NDUFA11: variants seen among roughly 807,000 people sequenced by gnomAD.
The protein encoded by NDUFA11 is NADH dehydrogenase [ubiquinone] 1 alpha subcomplex subunit 11.
In NDUFA11, 14 loss-of-function variants were observed where a neutral mutation model predicts 11.3. That is an observed-to-expected ratio of 1.24 (90% CI 0.82 to 1.94). The LOEUF (loss-of-function observed/expected upper bound fraction) is 1.94. Among genes scored for constraint, NDUFA11 ranks in the 30% most tolerant of loss-of-function variants. The pLI is 0.00. For missense variants in NDUFA11, 204 were observed against 200.3 expected, an observed-to-expected ratio of 1.02 and a Z score of -0.11; for synonymous variants, 87 against 85.6, an observed-to-expected ratio of 1.02 and a Z score of -0.09.
At chr19:5,897,433 G>A (rs1211384762) in intron 1 of NDUFA11, among the ~76,000 whole-genome samples, 1 of 152,110 alleles carries the variant, frequency 6.6e-6, no homozygotes, top group Non-Finnish European at 1.5e-5. Flanking sequence ...CTGGCACCAG[G>A]GCCCCAGCTC....
intron 1 of NDUFA11, 34 bp downstream of exon 1, chr19:5,903,578 G>T: frequency 6.5e-7 from 1 of 1,541,172 alleles, no homozygotes; most frequent in Non-Finnish European, 8.8e-7. Context: ...CTGCGGCCTC[G>T]GCCCTCCACC....
intron 1 of NDUFA11, among the ~76,000 whole-genome samples, chr19:5,898,083 G>A (rs898178390): frequency 3.9e-5 from 6 of 152,158 alleles, no homozygotes; most frequent in Admixed American, 1.3e-4. Flanking sequence ...CATCCTTCTC[G>A]GGGCCCGATG....
intron 3 of NDUFA11, 145 bp from the exon 4 acceptor site, chr19:5,894,999 G>T: frequency 1.1e-6 from 1 of 940,258 alleles, no homozygotes; most frequent in South Asian, 1.7e-5. Flanking sequence ...CTCAGGAAGA[G>T]GGCCCTAGAC....
chr19:5,903,768 C>G lies in NDUFA11; in HGVS notation c.-60G>C. 6.6e-7 allele frequency: 1 copy of G among 1,518,310 alleles called. No individual in the cohort carries two copies. 94.1% of individuals were successfully genotyped at this position (1,518,310 alleles called of 1,614,324 possible). A position where few individuals can be genotyped will look rare whatever the true frequency, so the allele number is the denominator to read the frequency against. ...CCAGCTCGGGAAGCGCAAGGGCAGCCGCGGCTGGCTATCGCGAGACTTCTC... is the reference window on the plus strand; with the variant it reads ...CCAGCTCGGGAAGCGCAAGGGCAGCGGCGGCTGGCTATCGCGAGACTTCTC... On this transcript the variant is annotated 5_prime_UTR_variant, in exon 1 of 4. Transcript: ENST00000308961.
At chr19:5,897,439 A>G (rs1055067906) in intron 1 of NDUFA11, among the ~76,000 whole-genome samples, 3 of 152,118 alleles carry the variant, frequency 2.0e-5, no homozygotes, top group African/African-American at 7.2e-5. Context: ...CCAGGGCCCC[A>G]GCTCCAGGTT....
intron 3 of NDUFA11, chr19:5,895,186 G>A (rs1190443195): frequency 3.1e-5 from 11 of 358,090 alleles, no homozygotes; most frequent in Non-Finnish European, 5.8e-5. Context: ...TGACACATCG[G>A]TGTGTCTCAG....
At chr19:5,901,770 C>T (rs1160431991) in intron 1 of NDUFA11, among the ~76,000 whole-genome samples, 2 of 151,008 alleles carry the variant, frequency 1.3e-5, no homozygotes, top group African/African-American at 2.4e-5. Flanking sequence ...CCCAGGTTCA[C>T]GCCATTCTCC....
Position 5,896,476 on chromosome 19 carries a change from C to T in NDUFA11, c.290G>A (p.Gly97Glu). ...ACTGCGTGCTCCCAGAGTCAGGCCT[C>T]CGGCGCAGCCACCGAGGAAGTAGTT... ...PLNYFLGGCA[G>E]GLTLGARTHN... Residue 97 changes from glycine to glutamate, a missense_variant, in exon 3 of 4, where the codon GGA becomes GAA. Physicochemically the swap from Gly to Glu is moderately conservative, Grantham distance 98. Transcript: ENST00000308961. The surrounding 1 kb of genome is among the most constrained non-coding windows in gnomAD (Gnocchi z 5.8). The T allele has an allele frequency of 6.4e-7, 1 of 1,573,040 alleles. No homozygotes were observed. Among genetic ancestry groups the T allele is most frequent in the South Asian group, 1.2e-5 (1 of 85,672 alleles).
chr19:5,898,878 T>TAAA (rs34771049), intron 1 of NDUFA11, among the ~76,000 whole-genome samples: 36 of 82,536 alleles, frequency 4.4e-4, no homozygotes, highest in African/African-American at 1.4e-3. Context: ...CGTCTCAAAA[T>TAAA]AAAAAAAAAA....
chr19:5,898,645 G>C (rs2144954935), intron 1 of NDUFA11, among the ~76,000 whole-genome samples: 1 of 152,238 alleles, frequency 6.6e-6, no homozygotes. Flanking sequence ...AGGCCAAGGT[G>C]GGCGGATCAT....
chr19:5,895,092 T>G (rs2057599326), intron 3 of NDUFA11: 2 of 547,818 alleles, frequency 3.7e-6, no homozygotes, highest in Non-Finnish European at 6.5e-6. Flanking sequence ...TGGGTCCTCA[T>G]CCCGCCCCAC....
downstream of NDUFA11, among the ~76,000 whole-genome samples, chr19:5,894,011 G>A (rs1012247554): frequency 6.6e-6 from 1 of 152,240 alleles, no homozygotes; most frequent in Non-Finnish European, 1.5e-5. Context: ...CAGGGAGCAT[G>A]AGCCAGTTCT....
chr19:5,895,232 C>T (rs1204522479), intron 3 of NDUFA11: 5 of 268,790 alleles, frequency 1.9e-5, no homozygotes, highest in South Asian at 9.6e-5. Context: ...GGCCAGGCCA[C>T]GCATCTGTCC....
chr19:5,896,241 G>A lies in NDUFA11; in HGVS notation c.313+212C>T. On this transcript the variant is annotated intron_variant, in intron 3 of 3. Transcript: ENST00000308961. This position sits in a 1 kb window ranked among gnomAD's most constrained non-coding sequence, Gnocchi z 5.8. ...TGTGGCTGGAGCAGAGTGAGGAGGG[G>A]AGGGTGGGGAGGGGACAGGGCAGGT... The A allele has an allele frequency of 1.6e-6, 1 of 608,822 alleles. No homozygotes were observed. Among genetic ancestry groups the A allele is most frequent in the Non-Finnish European group, 2.9e-6 (1 of 343,968 alleles). 37.7% of individuals were successfully genotyped at this position (608,822 alleles called of 1,614,324 possible).
downstream of NDUFA11, chr19:5,892,857 C>T (rs1242270772): frequency 7.9e-6 from 11 of 1,392,534 alleles, no homozygotes; most frequent in Non-Finnish European, 1.0e-5. Context: ...TTCCCATTTA[C>T]CAGGTGGGAA....
At chr19:5,897,482 G>A (rs1033184392) in intron 1 of NDUFA11, among the ~76,000 whole-genome samples, 2 of 152,198 alleles carry the variant, frequency 1.3e-5, no homozygotes, top group East Asian at 1.9e-4. Context: ...TGTGGGGCCC[G>A]GGGCTCCTGG....
intron 1 of NDUFA11, among the ~76,000 whole-genome samples, chr19:5,897,334 C>T (rs958619413): frequency 1.1e-4 from 17 of 152,200 alleles, no homozygotes; most frequent in African/African-American, 2.9e-4. Context: ...GACTCATCCA[C>T]GTGGTGGACA....
intron 1 of NDUFA11, among the ~76,000 whole-genome samples, chr19:5,899,451 C>CTTTTTTTTTTTT (rs71172780): frequency 1.5e-5 from 1 of 68,846 alleles, no homozygotes; most frequent in Non-Finnish European, 2.6e-5. Flanking sequence ...CGCCCGGACT[C>CTTTTTTTTTTTT]TTTTTTTTTT....
intron 1 of NDUFA11, chr19:5,899,977 G>C (rs563079555): frequency 2.6e-5 from 4 of 152,254 alleles, no homozygotes; most frequent in African/African-American, 9.6e-5. Flanking sequence ...TCCTGACCAA[G>C]GGACCCCTAG....
Sources: gnomAD v4.1 joint callset for allele counts (sites outside exome capture counted in the v4.1 genomes callset) on GRCh38, gnomAD v4.1.1 for gene constraint, Gnocchi (gnomAD v3.1) non-coding constraint, MANE v1.5 for transcripts, NCBI Gene and HGNC (gene_info 2026-07-23, HGNC 2026-07-21) for gene names.